The following CDH23 variants were observed in gnomAD, a reference collection of about 807,000 sequenced individuals.
CDH23 encodes cadherin related 23.
Under a neutral mutation model 317.1 loss-of-function variants are expected in CDH23, and 189 were observed. The observed-to-expected ratio is 0.60, with a 90% CI of 0.53 to 0.67. The LOEUF (loss-of-function observed/expected upper bound fraction) is 0.67, where lower values mean the gene tolerates loss of function less well. Ranked by LOEUF, CDH23 falls within the 30% of genes least tolerant of loss-of-function variation. The pLI, the probability that CDH23 is intolerant of heterozygous loss-of-function variation, is 0.00. For missense variants in CDH23, 4,401 were observed against 4,592.4 expected (o/e 0.96, Z 1.20); for synonymous variants, 1,839 against 1,876.8 (o/e 0.98, Z 0.52).
In CDH23 at chr10:71,803,006, A is replaced by G. The variant is rs569138025; in HGVS notation, c.7591A>G (p.Met2531Val). The G allele has an allele frequency of 1.2e-5, 19 of 1,613,886 alleles. No homozygotes were observed. The East Asian group carries it at 2.0e-4, about 17-fold the overall frequency. ...NEPAGTSVIT[M>V]MATDQDEGPN... Reference sequence around the variant, plus strand: ...GCCGGCGGGCACCTCGGTCATCACCATGATGGCCACTGACCAGGATGAAGG... The same window carrying G: ...GCCGGCGGGCACCTCGGTCATCACCGTGATGGCCACTGACCAGGATGAAGG... The change falls in exon 54 of 70, where the codon ATG (methionine) becomes GTG (valine). Residue 2531 changes from methionine (M) to valine (V), a missense_variant. Physicochemically the swap from Met to Val is conservative, Grantham distance 21 (BLOSUM62 1). Coordinates refer to ENST00000224721, the MANE Select transcript of CDH23 (RefSeq NM_022124.6).
In CDH23 at chr10:71,751,644, C is replaced by T; in HGVS notation, c.4845+9723C>T. On this transcript the variant is annotated intron_variant, in intron 38 of 69. Coordinates refer to ENST00000224721, the MANE Select transcript of CDH23 (RefSeq NM_022124.6). This position sits in a 1 kb window ranked among gnomAD's most constrained non-coding sequence, Gnocchi z 4.9. ...GGTCATGACCTTACAGGTCATCGTGCTGTGAAGGTCAGGAAACACTTACCC... is the reference window on the plus strand; with the variant it reads ...GGTCATGACCTTACAGGTCATCGTGTTGTGAAGGTCAGGAAACACTTACCC... The T allele has an allele frequency of 6.6e-7, 1 of 1,515,082 alleles. No homozygotes were observed. 93.9% of individuals were successfully genotyped at this position (1,515,082 alleles called of 1,614,324 possible).
intron 11 of CDH23, among the ~76,000 whole-genome samples, chr10:71,639,040 T>A (rs1862407821): frequency 6.6e-6 from 1 of 152,130 alleles, no homozygotes; most frequent in Non-Finnish European, 1.5e-5. Context: ...AGGGATTTCA[T>A]GTGTCCTTCC....
intron 22 of CDH23, among the ~76,000 whole-genome samples, chr10:71,698,275 AAAATG>A (rs1865464473): frequency 6.6e-6 from 1 of 152,248 alleles, no homozygotes; most frequent in Admixed American, 6.5e-5. Context: ...TTATAGCCAT[AAAATG>A]TATATATGCA....
At chr10:71,627,130 A>C (rs61851975) in intron 11 of CDH23, among the ~76,000 whole-genome samples, 14,886 of 152,130 alleles carry the variant, frequency 0.098, 871 homozygotes, top group Non-Finnish European at 0.13. Flanking sequence ...ACCTCTCCGC[A>C]TCTCTGTTTC....
chr10:71,559,352 C>T (rs1857014360), intron 6 of CDH23, among the ~76,000 whole-genome samples: 2 of 152,212 alleles, frequency 1.3e-5, no homozygotes, highest in South Asian at 4.1e-4. Context: ...GCCATGTTTA[C>T]CACAAAATCC....
At chr10:71,409,728 CT>C (rs975898044) in intron 1 of CDH23, among the ~76,000 whole-genome samples, 1 of 152,172 alleles carries the variant, frequency 6.6e-6, no homozygotes, top group African/African-American at 2.4e-5. Flanking sequence ...TAGAAAGGGA[CT>C]TCTCTCCCCA....
Position 71,812,847 on chromosome 10 carries a change from A to G in CDH23, c.9590A>G (p.Asn3197Ser). 6.2e-7 allele frequency: 1 copy of G among 1,613,766 alleles called. No homozygotes were observed. Among genetic ancestry groups the G allele is most frequent in the Non-Finnish European group, 8.5e-7 (1 of 1,179,776 alleles). ...CGGGCTGCCATCCAGGAGTATGACA[A>G]CATTGCCAAGCTGGGCCAGATCATT... is the stretch of plus-strand genomic sequence containing the variant. ...YLRAAIQEYD[N>S]IAKLGQIIRE... The change falls in exon 68 of 70, where the codon AAC becomes AGC. Residue 3197 changes from asparagine to serine, a missense_variant. By Grantham distance (46) the Asn-to-Ser change is conservative (BLOSUM62 1). Around this residue, in one of 3 missense-constraint regions of CDH23, gnomAD observed 1,144 missense variants for 1,138.2 expected, o/e 1.01. Transcript: ENST00000224721.
chr10:71,702,368 C>A (rs1441138268), intron 23 of CDH23, among the ~76,000 whole-genome samples, 157 bp downstream of exon 23: 1 of 152,124 alleles, frequency 6.6e-6, no homozygotes, highest in Non-Finnish European at 1.5e-5. Context: ...TCCTAGAGCA[C>A]CCTGAGGGAA....
chr10:71,435,011 A>T (rs558477156), intron 1 of CDH23, among the ~76,000 whole-genome samples: 7 of 152,270 alleles, frequency 4.6e-5, no homozygotes, highest in African/African-American at 1.7e-4. Flanking sequence ...AGTAGATGCC[A>T]CAGGGTCTTG....
intron 1 of CDH23, among the ~76,000 whole-genome samples, chr10:71,420,099 CAGAA>C (rs1432614261): frequency 1.3e-5 from 2 of 152,118 alleles, no homozygotes; most frequent in Admixed American, 1.3e-4. Context: ...CTCCAGAGTC[CAGAA>C]ATCCAAATAG....
rs981901271 is a variant in CDH23 at position 71,617,230 on chromosome 10, C to G, written c.971C>G (p.Thr324Ser). 3.7e-6 allele frequency: 6 copies of G among 1,613,792 alleles called. No homozygotes were observed. The Admixed American group carries it at 6.7e-5, about 18-fold the overall frequency. Residue 324 changes from threonine (T) to serine (S), a missense_variant, in exon 11 of 70, where the codon ACC becomes AGC. Physicochemically the swap from Thr to Ser is moderately conservative, Grantham distance 58. Coordinates refer to ENST00000224721, the MANE Select transcript of CDH23 (RefSeq NM_022124.6). ...GGCACGGAGCTGAACGATGACCGCA[C>G]CCCATCTGACGCTACAGTCACCACG... ...VKGTELNDDRTPSDATVTTTF... is the reference protein window; with the variant it reads ...VKGTELNDDRSPSDATVTTTF...
At chr10:71,660,618 C>T (rs1386911880) in intron 14 of CDH23, among the ~76,000 whole-genome samples, 2 of 152,160 alleles carry the variant, frequency 1.3e-5, no homozygotes, top group Admixed American at 6.5e-5. Flanking sequence ...GTCAAAATTT[C>T]GTCTCACATG....
intron 3 of CDH23, among the ~76,000 whole-genome samples, chr10:71,471,671 C>T (rs898608795): frequency 7.9e-5 from 12 of 151,860 alleles, no homozygotes; most frequent in African/African-American, 2.9e-4. Context: ...TTCCCCAAAC[C>T]CTCCCTCTCT....
chr10:71,718,137 G>C (rs1299290337), intron 28 of CDH23, among the ~76,000 whole-genome samples: 1 of 152,222 alleles, frequency 6.6e-6, no homozygotes, highest in Non-Finnish European at 1.5e-5. Context: ...TTGCAGCTTA[G>C]ATAACAGTTG....
chr10:71,670,961 CT>C (rs762870565), intron 14 of CDH23, among the ~76,000 whole-genome samples: 7,002 of 128,568 alleles, frequency 0.054, 189 homozygotes, highest in African/African-American at 0.097. Flanking sequence ...GATTTGGCAT[CT>C]TTTTTTTTTT....
chr10:71,428,597 T>C (rs897271611), intron 1 of CDH23, among the ~76,000 whole-genome samples: 1 of 151,780 alleles, frequency 6.6e-6, no homozygotes, highest in Non-Finnish European at 1.5e-5. Context: ...TTCTTCTTTT[T>C]TTTTTAATCG....
At chr10:71,638,193 T>A (rs2132571489) in intron 11 of CDH23, among the ~76,000 whole-genome samples, 1 of 152,264 alleles carries the variant, frequency 6.6e-6, no homozygotes, top group South Asian at 2.1e-4. Flanking sequence ...GGAGAGGAAG[T>A]GAGTTGTCTA....
chr10:71,720,749 G>A (rs536757865), intron 28 of CDH23, among the ~76,000 whole-genome samples: 2 of 152,348 alleles, frequency 1.3e-5, no homozygotes, highest in African/African-American at 4.8e-5. Context: ...AAGCTGGAGA[G>A]GTCCTCAGGG....
Position 71,720,789 on chromosome 10 carries a change from A to C in CDH23, c.3370-3256A>C, listed in dbSNP as rs76193468. ...TCTAACTCCTCTTCTGAGAGAAAAG[A>C]GCCCCCGTCTTCTCTCAGATGACCA... is the stretch of plus-strand genomic sequence containing the variant. On this transcript the variant is annotated intron_variant, in intron 28 of 69. Coordinates refer to ENST00000224721, the MANE Select transcript of CDH23 (RefSeq NM_022124.6). 3.0e-3 allele frequency among the ~76,000 whole-genome samples: 455 copies of C among 152,318 alleles called. 1 individual carries two copies. Among genetic ancestry groups the C allele is most frequent in the African/African-American group, 0.01 (431 of 41,580 alleles).
Sources: gnomAD v4.1 joint callset for allele counts (sites outside exome capture counted in the v4.1 genomes callset) on GRCh38, gnomAD v4.1.1 for gene constraint, gnomAD v4.1.1 regional missense constraint, Gnocchi (gnomAD v3.1) non-coding constraint, MANE v1.5 for transcripts, NCBI Gene and HGNC (gene_info 2026-07-23, HGNC 2026-07-21) for gene names.